The following RBFOX1 variants were observed in gnomAD, a reference collection of about 807,000 sequenced individuals.
RBFOX1 encodes the protein RNA binding protein fox-1 homolog 1.
Under a neutral mutation model 57.7 loss-of-function variants are expected in RBFOX1, and 8 were observed. The ratio of observed to expected loss-of-function variants is 0.14; its 90% CI spans 0.08 to 0.25. The LOEUF is 0.25. RBFOX1 is among the 10% of genes least tolerant of loss of function. The pLI is 1.00. For synonymous variants in RBFOX1, 326 were observed against 222.4 expected (o/e 1.47, Z -4.15); for missense variants, 611 against 548.5 (o/e 1.11, Z -1.14).
chr16:7,267,366 C>G (rs1019286302), intron 4 of RBFOX1, among the ~76,000 whole-genome samples: 1 of 151,860 alleles, frequency 6.6e-6, no homozygotes, highest in Admixed American at 6.6e-5. Context: ...AAAACCCCGT[C>G]TCTACTAAAA....
chr16:5,996,035 A>G (rs932155253), intron 4 of RBFOX1, among the ~76,000 whole-genome samples: 6 of 151,992 alleles, frequency 3.9e-5, no homozygotes, highest in Non-Finnish European at 7.4e-5. Context: ...GCTCTCTGGG[A>G]CCTCTTTTAT....
intron 4 of RBFOX1, among the ~76,000 whole-genome samples, chr16:7,136,373 T>C (rs1470271020): frequency 1.3e-5 from 2 of 151,710 alleles, no homozygotes; most frequent in Admixed American, 6.6e-5. Context: ...CAATACCTAG[T>C]AGAGATACAG....
At chr16:7,114,767 T>C (rs886642457) in intron 4 of RBFOX1, among the ~76,000 whole-genome samples, 3 of 152,202 alleles carry the variant, frequency 2.0e-5, no homozygotes, top group Admixed American at 2.0e-4. Flanking sequence ...TCTGTTTACA[T>C]GTGCTTCTCT....
chr16:6,407,379 C>T, intron 2 of RBFOX1, among the ~76,000 whole-genome samples: 1 of 151,874 alleles, frequency 6.6e-6, no homozygotes, highest in East Asian at 1.9e-4. Flanking sequence ...ATATCTTTAC[C>T]TATACCTATA....
chr16:7,546,514 C>G (rs993340664), intron 5 of RBFOX1, among the ~76,000 whole-genome samples: 9 of 152,036 alleles, frequency 5.9e-5, no homozygotes, highest in African/African-American at 2.2e-4. Flanking sequence ...TAATAATAAG[C>G]ATAGTTATTT....
chr16:7,190,666 A>G (rs531980535), intron 4 of RBFOX1, among the ~76,000 whole-genome samples: 2 of 152,144 alleles, frequency 1.3e-5, no homozygotes, highest in Admixed American at 1.3e-4. Context: ...GAAATCAGAA[A>G]TTCAGCTCCC....
At chr16:5,262,755 A>ACTGGGGTG (rs1192835298) in intron 1 of RBFOX1, among the ~76,000 whole-genome samples, 3 of 152,168 alleles carry the variant, frequency 2.0e-5, no homozygotes, top group African/African-American at 7.2e-5. Flanking sequence ...GTTTGGGAAG[A>ACTGGGGTG]CTGGGGTGCT....
At chr16:5,667,696 G>C (rs539636577) in intron 3 of RBFOX1, among the ~76,000 whole-genome samples, 1 of 152,110 alleles carries the variant, frequency 6.6e-6, no homozygotes, top group African/African-American at 2.4e-5. Context: ...CTTTCTAGTT[G>C]GTGTTTCTGC....
At chr16:5,933,387 C>T (rs1368407027) in intron 4 of RBFOX1, among the ~76,000 whole-genome samples, 3 of 152,180 alleles carry the variant, frequency 2.0e-5, no homozygotes, top group African/African-American at 7.2e-5. Flanking sequence ...TGTTCTTATG[C>T]ACGCATGTAC....
intron 2 of RBFOX1, among the ~76,000 whole-genome samples, chr16:6,501,647 C>A (rs1402761017): frequency 6.6e-6 from 1 of 152,078 alleles, no homozygotes; most frequent in Non-Finnish European, 1.5e-5. Flanking sequence ...AGAATCCAAA[C>A]ATTCTTATAG....
rs557217531 is a variant in RBFOX1 at position 5,335,098 on chromosome 16, C to T, written c.219+94993C>T. ...CACTGGCAGTGTGTTTGTGGTGCCTCTTCCTTCACAATGTTGCGAAGACTG... is the reference window on the plus strand; with the variant it reads ...CACTGGCAGTGTGTTTGTGGTGCCTTTTCCTTCACAATGTTGCGAAGACTG... On this transcript the variant is annotated intron_variant, in intron 1 of 2. Transcript: ENST00000585867. Among the ~76,000 whole-genome samples, 4 of 152,264 alleles carry T rather than the reference C, an allele frequency of 2.6e-5. No homozygotes were observed. The South Asian group carries it at 8.3e-4, about 32-fold the overall frequency.
At chr16:6,094,953 G>A (rs2096226356) in intron 1 of RBFOX1, among the ~76,000 whole-genome samples, 1 of 152,154 alleles carries the variant, frequency 6.6e-6, no homozygotes, top group African/African-American at 2.4e-5. Context: ...CCAGCTACTC[G>A]AGAGGCTGAG....
chr16:5,952,382 C>A (rs2059539494), intron 4 of RBFOX1, among the ~76,000 whole-genome samples: 1 of 151,996 alleles, frequency 6.6e-6, no homozygotes, highest in African/African-American at 2.4e-5. Context: ...AATTCCTGAC[C>A]TCAAGCGATC....
chr16:7,240,662 C>T (rs1051933507), intron 4 of RBFOX1, among the ~76,000 whole-genome samples: 2 of 152,110 alleles, frequency 1.3e-5, no homozygotes, highest in African/African-American at 4.8e-5. Flanking sequence ...TCAAGTGATC[C>T]TCCCATCTCA....
intron 1 of RBFOX1, among the ~76,000 whole-genome samples, chr16:6,160,879 T>C (rs2096873265): frequency 6.6e-6 from 1 of 152,190 alleles, no homozygotes; most frequent in African/African-American, 2.4e-5. Flanking sequence ...TCAGACAGCC[T>C]TTTCTGAGAT....
chr16:6,342,205 C>G lies in RBFOX1; in HGVS notation c.-64+25148C>G, dbSNP rs186505366. Among the ~76,000 whole-genome samples, 49 of 152,246 alleles carry G rather than the reference C, an allele frequency of 3.2e-4. 1 individual carries two copies. Among genetic ancestry groups the G allele is most frequent in the African/African-American group, 6.7e-4 (28 of 41,564 alleles). On this transcript the variant is annotated intron_variant, in intron 2 of 15. Coordinates refer to ENST00000550418, the MANE Select transcript of RBFOX1 (RefSeq NM_018723.4). The stretch of plus-strand genomic sequence containing the variant: ...GCTGCAATGTGGGAATGGAGGCAAG[C>G]TTGTGTAAGGGATTATCAGTTGGGA...
At chr16:6,882,407 C>G (rs1455380475) in intron 3 of RBFOX1, among the ~76,000 whole-genome samples, 1 of 151,952 alleles carries the variant, frequency 6.6e-6, no homozygotes, top group Non-Finnish European at 1.5e-5. Context: ...CCAGCCTGGC[C>G]AACATGATGA....
intron 2 of RBFOX1, among the ~76,000 whole-genome samples, chr16:6,560,048 C>T (rs1381749053): frequency 1.3e-5 from 2 of 152,184 alleles, no homozygotes; most frequent in Admixed American, 6.5e-5. Context: ...CTAAAATCAT[C>T]CACACTTTCC....
At chr16:7,304,320 A>G (rs2096118193) in intron 4 of RBFOX1, 5 of 984,978 alleles carry the variant, frequency 5.1e-6, no homozygotes, top group Non-Finnish European at 6.0e-6. Flanking sequence ...TGTAGCGCCC[A>G]GGCAGAGAGC....
Sources: gnomAD v4.1 joint callset for allele counts (sites outside exome capture counted in the v4.1 genomes callset) on GRCh38, gnomAD v4.1.1 for gene constraint, MANE v1.5 for transcripts, NCBI Gene and HGNC (gene_info 2026-07-23, HGNC 2026-07-21) for gene names.